CACNB4: variants seen among roughly 807,000 people sequenced by gnomAD.
The protein encoded by CACNB4 is voltage-dependent L-type calcium channel subunit beta-4.
A neutral mutation model predicts 71.2 loss-of-function variants in CACNB4; 32 were observed. The observed-to-expected ratio is 0.45, with a 90% confidence interval of 0.34 to 0.60. The LOEUF is 0.60. Among genes scored for constraint, CACNB4 ranks in the 20% least tolerant of loss-of-function variants. CACNB4 has a pLI of 0.01. For missense variants in CACNB4, 464 were observed against 647.9 expected (o/e 0.72, Z 3.08); for synonymous variants, 231 against 236.9 (o/e 0.97, Z 0.23).
intron 9 of CACNB4, among the ~76,000 whole-genome samples, chr2:151,862,127 A>T (rs1345067240): frequency 1.3e-5 from 2 of 152,178 alleles, no homozygotes; most frequent in Non-Finnish European, 2.9e-5. Context: ...ATACTCAGTT[A>T]GTACACCCAT....
At chr2:151,969,892 C>T (rs572129335) in intron 2 of CACNB4, 1 of 152,152 alleles carries the variant, frequency 6.6e-6, no homozygotes, top group East Asian at 1.9e-4. Context: ...TATTATGATT[C>T]CTTTCTATGA....
chr2:151,939,602 G>C (rs1390301491), intron 2 of CACNB4, among the ~76,000 whole-genome samples: 1 of 152,174 alleles, frequency 6.6e-6, no homozygotes, highest in African/African-American at 2.4e-5. Context: ...CTCTCTGGCA[G>C]GTGAGGAACT....
chr2:151,880,458 A>C (rs149550246), intron 4 of CACNB4: 266 of 328,200 alleles, frequency 8.1e-4, no homozygotes, highest in African/African-American at 5.5e-3. Context: ...AGGTGCCATG[A>C]CACCAAACTT....
intron 2 of CACNB4, among the ~76,000 whole-genome samples, chr2:151,983,675 TCACACACACACACACACA>T: frequency 7.1e-6 from 1 of 141,540 alleles, no homozygotes. Context: ...TAAACTTTGG[TCACACACACACACACACA>T]CACACACACA....
intron 2 of CACNB4, among the ~76,000 whole-genome samples, chr2:152,033,756 C>T (rs1454947486): frequency 6.6e-6 from 1 of 152,110 alleles, no homozygotes; most frequent in African/African-American, 2.4e-5. Flanking sequence ...GGAAGGAGGA[C>T]TTTAAGGCCA....
At chr2:152,018,806 A>AACACACACACACACACACACACACACAC in intron 2 of CACNB4, among the ~76,000 whole-genome samples, 1 of 146,684 alleles carries the variant, frequency 6.8e-6, no homozygotes, top group African/African-American at 2.6e-5. Context: ...CCTGTCTCAA[A>AACACACACACACACACACACACACACAC]ACACACACAC....
chr2:151,855,672 T>C (rs1296247761), intron 10 of CACNB4, among the ~76,000 whole-genome samples: 2 of 152,234 alleles, frequency 1.3e-5, no homozygotes, highest in Non-Finnish European at 2.9e-5. Flanking sequence ...TTTTTGATTG[T>C]TGTTTTGTTC....
intron 2 of CACNB4, among the ~76,000 whole-genome samples, chr2:152,009,188 C>CAAAA (rs756023829): frequency 3.7e-5 from 3 of 80,022 alleles, no homozygotes; most frequent in African/African-American, 8.7e-5. Flanking sequence ...GACCCTGTCT[C>CAAAA]AAAAAAAAAA....
chr2:151,920,318 C>CTTTTTT (rs10574154), intron 2 of CACNB4, among the ~76,000 whole-genome samples: 2 of 66,090 alleles, frequency 3.0e-5, no homozygotes, highest in African/African-American at 6.5e-5. Flanking sequence ...TCTTCTTCTT[C>CTTTTTT]TTTTTTTTTT....
chr2:151,943,265 T>C (rs1033092227), intron 2 of CACNB4, among the ~76,000 whole-genome samples: 20 of 152,196 alleles, frequency 1.3e-4, no homozygotes, highest in African/African-American at 4.8e-4. Flanking sequence ...AGAACCTACG[T>C]TGAAATATTG....
At chr2:151,947,124 G>A (rs969024065) in intron 2 of CACNB4, among the ~76,000 whole-genome samples, 4 of 152,154 alleles carry the variant, frequency 2.6e-5, no homozygotes, top group African/African-American at 4.8e-5. Flanking sequence ...GGATTAAACC[G>A]GATCCCCAGA....
At chr2:151,996,128 C>T (rs184416859) in intron 2 of CACNB4, among the ~76,000 whole-genome samples, 157 of 152,202 alleles carry the variant, frequency 1.0e-3, no homozygotes, top group Non-Finnish European at 1.4e-3. Context: ...CGGTATTGCC[C>T]GTAATAGATA....
intron 2 of CACNB4, among the ~76,000 whole-genome samples, chr2:151,988,858 T>A (rs1430734867): frequency 3.3e-5 from 5 of 152,174 alleles, no homozygotes; most frequent in Admixed American, 3.3e-4. Flanking sequence ...GAGGGAGGCA[T>A]AAACATGTAG....
chr2:152,035,276 G>C (rs914877627), intron 2 of CACNB4, among the ~76,000 whole-genome samples: 5 of 152,066 alleles, frequency 3.3e-5, no homozygotes, highest in Non-Finnish European at 7.4e-5. Flanking sequence ...AAATATATTC[G>C]CAGGCCGGGA....
At chr2:152,084,751 AG>A (rs1336181732) in intron 2 of CACNB4, among the ~76,000 whole-genome samples, 1 of 150,602 alleles carries the variant, frequency 6.6e-6, no homozygotes, top group Non-Finnish European at 1.5e-5. Flanking sequence ...CTGGGACCAC[AG>A]GTGCATGCCA....
chr2:152,084,349 C>A (rs933974298), intron 2 of CACNB4, among the ~76,000 whole-genome samples: 2 of 152,128 alleles, frequency 1.3e-5, no homozygotes, highest in Non-Finnish European at 1.5e-5. Flanking sequence ...AAAAACAGCA[C>A]CTTAGAAGGA....
chr2:151,971,465 C>G, intron 2 of CACNB4: 1 of 702,286 alleles, frequency 1.4e-6, no homozygotes, highest in Non-Finnish European at 2.6e-6. Flanking sequence ...AGCTAGCCAT[C>G]TGAGAAAAGC....
intron 2 of CACNB4, among the ~76,000 whole-genome samples, chr2:151,994,875 C>T (rs1459261939): frequency 1.3e-5 from 2 of 151,786 alleles, no homozygotes; most frequent in Non-Finnish European, 2.9e-5. Context: ...CTCAAGTGAT[C>T]CTTCTGCCTC....
At chr2:152,002,251 T>A (rs546879373) in intron 2 of CACNB4, among the ~76,000 whole-genome samples, 1 of 152,340 alleles carries the variant, frequency 6.6e-6, no homozygotes, top group African/African-American at 2.4e-5. Flanking sequence ...TCCTCTTTCG[T>A]CCTCTTACTT....
Sources: allele counts gnomAD v4.1 joint callset (sites outside exome capture counted in the v4.1 genomes callset), GRCh38; gene constraint gnomAD v4.1.1; transcripts MANE v1.5; gene names NCBI Gene and HGNC (gene_info 2026-07-23, HGNC 2026-07-21).